Variants in PDE1C observed in about 807,000 individuals in gnomAD.
PDE1C encodes the protein phosphodiesterase 1C.
PDE1C carries 62 observed loss-of-function variants against 93.1 expected under a neutral mutation model. That is an observed-to-expected ratio of 0.67 (90% CI 0.54 to 0.82). The LOEUF is 0.82. Ranked by LOEUF, PDE1C falls within the 40% of genes least tolerant of loss-of-function variation. The pLI, the probability that PDE1C is intolerant of heterozygous loss-of-function variation, is 0.00. For missense variants in PDE1C, 742 were observed against 884.6 expected, an observed-to-expected ratio of 0.84 and a Z score of 2.04; for synonymous variants, 325 against 310.1, an observed-to-expected ratio of 1.05 and a Z score of -0.50.
intron 1 of PDE1C, among the ~76,000 whole-genome samples, chr7:32,370,728 T>C (rs992840986): frequency 6.6e-6 from 1 of 151,952 alleles, no homozygotes; most frequent in Non-Finnish European, 1.5e-5. Context: ...ATGGCACATG[T>C]ATACATATGT....
intron 1 of PDE1C, among the ~76,000 whole-genome samples, chr7:32,059,634 C>T (rs1024469901): frequency 1.3e-5 from 2 of 152,184 alleles, no homozygotes; most frequent in African/African-American, 4.8e-5. Context: ...ATTTAAGAAG[C>T]CCTAAATGGG....
chr7:32,070,282 G>A lies in PDE1C; in HGVS notation c.101+11C>T, dbSNP rs1291932581. ...GGAAATGGGGCAGGAGAAGTAAATA[G>A]GTATACTTACAGCCCGCGGAGCCGA... On this transcript the variant is annotated intron_variant, in intron 1 of 17. Transcript: ENST00000396191. 2 of 1,614,066 alleles carry A rather than the reference G, an allele frequency of 1.2e-6. No individual in the cohort carries two copies. Among genetic ancestry groups the A allele is most frequent in the Admixed American group, 3.3e-5 (2 of 60,030 alleles).
the PDE1C span, chr7:31,707,067 G>T: frequency 1.5e-6 from 1 of 674,668 alleles, no homozygotes; most frequent in Non-Finnish European, 2.5e-6. Flanking sequence ...TCTCTGGGTT[G>T]GTACTGTTAG....
chr7:32,052,555 C>T (rs987840978), intron 1 of PDE1C, among the ~76,000 whole-genome samples: 5 of 152,120 alleles, frequency 3.3e-5, no homozygotes, highest in Admixed American at 1.3e-4. Context: ...GTAGCATATC[C>T]GGGAAGTACA....
At chr7:32,208,244 G>GA (rs1371061733) in intron 2 of PDE1C, among the ~76,000 whole-genome samples, 1 of 3,980 alleles carries the variant, frequency 2.5e-4, no homozygotes, top group East Asian at 0.25. Flanking sequence ...GAGTTTAGAA[G>GA]AAGCCTGTAA....
In PDE1C at chr7:32,282,583, C is replaced by CTTT. The variant is rs367633822; in HGVS notation, c.85+16065_85+16067dup. Among the ~76,000 whole-genome samples, 9 of 123,684 alleles carry CTTT rather than the reference C, an allele frequency of 7.3e-5. 1 individual carries two copies. Among genetic ancestry groups the CTTT allele is most frequent in the South Asian group, 2.6e-4 (1 of 3,860 alleles). The allele number at this position is 123,684 out of a possible 152,430, so 81.1% of individuals were successfully genotyped here. A position where few individuals can be genotyped will look rare whatever the true frequency, so the allele number is the denominator to read the frequency against. ...AAATAACAGAACAGTTTTATGTCTT[C>CTTT]TTTTTTTTTTTTTTTTGAGACGGAG... On this transcript the variant is annotated intron_variant, in intron 1 of 18. Transcript: ENST00000396193.
intron 1 of PDE1C, among the ~76,000 whole-genome samples, chr7:32,255,930 A>C (rs1809762467): frequency 6.6e-6 from 1 of 152,168 alleles, no homozygotes; most frequent in Non-Finnish European, 1.5e-5. Flanking sequence ...ATGTCTAAGT[A>C]GAGAAGTGAC....
chr7:31,636,719 T>TTC, the PDE1C span, among the ~76,000 whole-genome samples: 113 of 151,254 alleles, frequency 7.5e-4, no homozygotes, highest in African/African-American at 2.7e-3. Flanking sequence ...AGGGATCTTT[T>TTC]TTTTTTAAAA....
intron 1 of PDE1C, among the ~76,000 whole-genome samples, chr7:32,319,909 C>T (rs1456366570): frequency 6.6e-6 from 1 of 152,154 alleles, no homozygotes; most frequent in Non-Finnish European, 1.5e-5. Context: ...GCCCCTTGAA[C>T]ATAGATAGGT....
intron 11 of PDE1C, among the ~76,000 whole-genome samples, chr7:31,833,390 T>C (rs143474241): frequency 3.7e-3 from 559 of 152,276 alleles, no homozygotes; most frequent in African/African-American, 0.013. Flanking sequence ...ATACCTGATA[T>C]GTGGAAGCGA....
intron 16 of PDE1C, among the ~76,000 whole-genome samples, chr7:31,794,931 A>G (rs1047887363): frequency 6.6e-6 from 1 of 151,972 alleles, no homozygotes; most frequent in African/African-American, 2.4e-5. Context: ...AAAAGCAGAA[A>G]AGATTCTAAA....
At chr7:31,724,019 C>T in the PDE1C span, among the ~76,000 whole-genome samples, 17 of 152,280 alleles carry the variant, frequency 1.1e-4, no homozygotes, top group Middle Eastern at 3.4e-3. Context: ...TAAAACCCCA[C>T]GCTAGCTTGC....
intron 3 of PDE1C, among the ~76,000 whole-genome samples, chr7:32,079,249 A>G (rs192692694): frequency 2.0e-5 from 3 of 151,996 alleles, no homozygotes; most frequent in Non-Finnish European, 2.9e-5. Flanking sequence ...ACAATGGTCA[A>G]TTAAAATACT....
intron 2 of PDE1C, among the ~76,000 whole-genome samples, chr7:32,188,446 C>T (rs1009883963): frequency 1.3e-5 from 2 of 152,060 alleles, no homozygotes; most frequent in African/African-American, 4.8e-5. Context: ...CATCTATTTT[C>T]CAAGACAGTG....
At chr7:32,040,375 T>C (rs150649899) in intron 2 of PDE1C, among the ~76,000 whole-genome samples, 1 of 152,214 alleles carries the variant, frequency 6.6e-6, no homozygotes, top group Non-Finnish European at 1.5e-5. Flanking sequence ...AAATGTTCCA[T>C]GTACTATAGG....
intron 9 of PDE1C, among the ~76,000 whole-genome samples, chr7:31,847,211 A>G (rs1378888136): frequency 6.6e-6 from 1 of 151,646 alleles, no homozygotes; most frequent in Non-Finnish European, 1.5e-5. Context: ...AATCTATCCC[A>G]ACTGCAGAAT....
intron 16 of PDE1C, chr7:31,789,969 G>T: frequency 8.1e-7 from 1 of 1,236,160 alleles, no homozygotes; most frequent in Non-Finnish European, 1.0e-6. Context: ...TTCATGTTTT[G>T]TTTCTGTTTG....
chr7:32,221,058 T>C (rs1806821299), intron 1 of PDE1C, among the ~76,000 whole-genome samples: 2 of 152,098 alleles, frequency 1.3e-5, no homozygotes, highest in Non-Finnish European at 2.9e-5. Context: ...TGGCTCCCTT[T>C]CCTCCTGAGG....
chr7:32,013,830 T>G (rs1787491939), intron 2 of PDE1C, among the ~76,000 whole-genome samples: 1 of 152,236 alleles, frequency 6.6e-6, no homozygotes, highest in African/African-American at 2.4e-5. Context: ...TATTATTTAT[T>G]CTTAATTAGA....
Sources: gnomAD v4.1 joint callset for allele counts (sites outside exome capture counted in the v4.1 genomes callset) on GRCh38, gnomAD v4.1.1 for gene constraint, MANE v1.5 for transcripts, NCBI Gene and HGNC (gene_info 2026-07-23, HGNC 2026-07-21) for gene names.